Variants in LUZP2 observed in about 807,000 individuals in gnomAD.
LUZP2 encodes the protein leucine zipper protein 2.
LUZP2 carries 52 observed loss-of-function variants against 51.6 expected under a neutral mutation model. The ratio of observed to expected loss-of-function variants is 1.01; its 90% CI spans 0.81 to 1.27. The LOEUF is 1.27. Among genes scored for constraint, LUZP2 ranks in the 50% most tolerant of loss-of-function variants. LUZP2 has a pLI of 0.00. For synonymous variants in LUZP2, 154 were observed against 137.3 expected (o/e 1.12, Z -0.85); for missense variants, 436 against 395.4 (o/e 1.10, Z -0.87).
At chr11:24,804,963 C>G (rs1359060428) in intron 5 of LUZP2, among the ~76,000 whole-genome samples, 1 of 151,290 alleles carries the variant, frequency 6.6e-6, no homozygotes, top group African/African-American at 2.4e-5. Flanking sequence ...TTTTATCTTC[C>G]TGAGTAGCTG....
In LUZP2 at chr11:24,538,113, C is replaced by T. The variant is rs142068491; in HGVS notation, c.62+40808C>T. On this transcript the variant is annotated intron_variant, in intron 1 of 11. Coordinates refer to ENST00000336930, the MANE Select transcript of LUZP2 (RefSeq NM_001009909.4). ...AAGATGTGAATAGGCAATTCATAGA[C>T]GAAGATATTAAAGCTGAAATCACAT... is the stretch of plus-strand genomic sequence containing the variant. Among the ~76,000 whole-genome samples, 98 of 151,650 alleles carry T rather than the reference C, an allele frequency of 6.5e-4. No individual in the cohort carries two copies. The Middle Eastern group carries it at 0.017, about 26-fold the overall frequency.
chr11:24,717,410 T>C (rs997270947), intron 1 of LUZP2, among the ~76,000 whole-genome samples: 4 of 114,136 alleles, frequency 3.5e-5, no homozygotes, highest in African/African-American at 1.4e-4. Context: ...AACCCAATAG[T>C]TTTTTTTTTT....
At chr11:24,657,260 G>T (rs183159123) in intron 1 of LUZP2, among the ~76,000 whole-genome samples, 2 of 152,256 alleles carry the variant, frequency 1.3e-5, no homozygotes, top group African/African-American at 4.8e-5. Flanking sequence ...AGGGAGAGCT[G>T]ACAGGACAAA....
intron 7 of LUZP2, among the ~76,000 whole-genome samples, chr11:24,957,888 A>G (rs1182919584): frequency 1.3e-5 from 2 of 152,132 alleles, no homozygotes; most frequent in East Asian, 1.9e-4. Flanking sequence ...ATATCTCCCA[A>G]TGCTATCCCT....
intron 9 of LUZP2, among the ~76,000 whole-genome samples, chr11:25,045,910 C>G (rs1590872390): frequency 6.6e-6 from 1 of 151,994 alleles, no homozygotes; most frequent in East Asian, 1.9e-4. Flanking sequence ...CTTGGTTGAC[C>G]ATTATAACTC....
At chr11:25,000,323 G>C (rs1229396087) in intron 9 of LUZP2, among the ~76,000 whole-genome samples, 1 of 152,132 alleles carries the variant, frequency 6.6e-6, no homozygotes, top group African/African-American at 2.4e-5. Flanking sequence ...ACTGCTGTTG[G>C]GAATTTGGCT....
intron 1 of LUZP2, among the ~76,000 whole-genome samples, chr11:24,581,206 A>AG (rs1196285573): frequency 2.6e-5 from 4 of 151,990 alleles, no homozygotes; most frequent in African/African-American, 9.7e-5. Context: ...CCAAAAAAAA[A>AG]AAAAAAAAAT....
chr11:25,077,339 C>T lies in LUZP2; in HGVS notation c.869C>T (p.Pro290Leu), dbSNP rs201686624. 2.3e-5 allele frequency: 37 copies of T among 1,611,674 alleles called. No homozygotes were observed. The East Asian group carries it at 2.5e-4, about 11-fold the overall frequency. ...TTGCTACTTTTGTAGGAGGGCAGAC[C>T]GTGTTCCATGAAGCACAAAGAAAGT... ...TACDSQDEGR[P>L]CSMKHKESPP... The change falls in exon 11 of 12, where the codon CCG becomes CTG. Residue 290 changes from proline to leucine, a missense_variant. Pro to Leu is a moderately conservative substitution (Grantham distance 98). Transcript: ENST00000336930.
chr11:24,513,911 T>C (rs1850387357), intron 1 of LUZP2, among the ~76,000 whole-genome samples: 1 of 152,216 alleles, frequency 6.6e-6, no homozygotes, highest in African/African-American at 2.4e-5. Context: ...AACAGAATGC[T>C]AATTGGAGGA....
At chr11:24,994,191 T>A (rs1317166550) in intron 9 of LUZP2, among the ~76,000 whole-genome samples, 1 of 148,494 alleles carries the variant, frequency 6.7e-6, no homozygotes, top group Non-Finnish European at 1.5e-5. Context: ...ACTTGTGATA[T>A]TGCTATGTTT....
intron 9 of LUZP2, among the ~76,000 whole-genome samples, chr11:25,000,139 T>C (rs1411819339): frequency 6.6e-6 from 1 of 152,096 alleles, no homozygotes; most frequent in Non-Finnish European, 1.5e-5. Context: ...TGCTGATTGG[T>C]GCATTTTTAC....
intron 5 of LUZP2, among the ~76,000 whole-genome samples, chr11:24,849,374 T>C (rs1168230739): frequency 6.6e-6 from 1 of 151,648 alleles, no homozygotes; most frequent in African/African-American, 2.4e-5. Flanking sequence ...AGTGAAAACA[T>C]GTGGTGTTTG....
intron 1 of LUZP2, among the ~76,000 whole-genome samples, chr11:24,528,433 G>T (rs1850888158): frequency 1.3e-5 from 2 of 151,212 alleles, no homozygotes. Context: ...TTTAGAAAGT[G>T]TTGTTGTAAA....
At chr11:24,534,499 TATATAGAAAGC>T (rs1002678321) in intron 1 of LUZP2, among the ~76,000 whole-genome samples, 75 of 129,496 alleles carry the variant, frequency 5.8e-4, no homozygotes, top group Admixed American at 6.4e-4. Flanking sequence ...ATAGAAAGCA[TATATAGAAAGC>T]ATATATAGAG....
chr11:25,012,248 C>T (rs1388837548), intron 9 of LUZP2, among the ~76,000 whole-genome samples: 2 of 152,082 alleles, frequency 1.3e-5, no homozygotes, highest in Non-Finnish European at 2.9e-5. Flanking sequence ...GAGTCTCTGA[C>T]GTGAATAACC....
chr11:24,925,599 T>A (rs7941861), intron 7 of LUZP2, among the ~76,000 whole-genome samples: 88,875 of 151,862 alleles, frequency 0.59, 26,699 homozygotes, highest in East Asian at 0.83. Flanking sequence ...GTTTTAAAAG[T>A]TCACACATTT....
At chr11:24,850,950 G>C (rs746189017) in intron 5 of LUZP2, among the ~76,000 whole-genome samples, 36 of 152,108 alleles carry the variant, frequency 2.4e-4, no homozygotes, top group Non-Finnish European at 4.9e-4. Flanking sequence ...TGTGGTTTTT[G>C]CACATTGACT....
chr11:24,715,108 T>A (rs532648926), intron 1 of LUZP2, among the ~76,000 whole-genome samples: 1 of 152,096 alleles, frequency 6.6e-6, no homozygotes, highest in Non-Finnish European at 1.5e-5. Flanking sequence ...TATCTGGGCG[T>A]AAGTGGACAG....
At chr11:24,800,759 TG>T (rs1243588954) in intron 5 of LUZP2, among the ~76,000 whole-genome samples, 4 of 152,112 alleles carry the variant, frequency 2.6e-5, no homozygotes, top group Non-Finnish European at 5.9e-5. Flanking sequence ...AGCCCCAGGT[TG>T]AAAGTTAAGA....
Sources: gnomAD v4.1 joint callset for allele counts (sites outside exome capture counted in the v4.1 genomes callset) on GRCh38, gnomAD v4.1.1 for gene constraint, MANE v1.5 for transcripts, NCBI Gene and HGNC (gene_info 2026-07-23, HGNC 2026-07-21) for gene names.